The following PARD3 variants were observed in gnomAD, a reference collection of about 807,000 sequenced individuals.
PARD3 encodes par-3 family cell polarity regulator.
A neutral mutation model predicts 155.4 loss-of-function variants in PARD3; 75 were observed. That is an observed-to-expected ratio of 0.48 (90% CI 0.40 to 0.58). The LOEUF (loss-of-function observed/expected upper bound fraction) is 0.58. Ranked by LOEUF, PARD3 falls within the 20% of genes least tolerant of loss-of-function variation. The pLI is 0.00. For synonymous variants in PARD3, 576 were observed against 610.5 expected, an observed-to-expected ratio of 0.94 and a Z score of 0.83; for missense variants, 1,642 against 1,721.7, an observed-to-expected ratio of 0.95 and a Z score of 0.82.
chr10:34,500,834 C>T (rs1229778060), intron 3 of PARD3, among the ~76,000 whole-genome samples: 1 of 152,022 alleles, frequency 6.6e-6, no homozygotes, highest in East Asian at 1.9e-4. Context: ...ATAAGTCATA[C>T]AGAAGGAAAG....
At chr10:34,628,508 C>T (rs1424252306) in intron 2 of PARD3, among the ~76,000 whole-genome samples, 2 of 152,242 alleles carry the variant, frequency 1.3e-5, no homozygotes, top group African/African-American at 4.8e-5. Flanking sequence ...ATGCTCAATG[C>T]TGTCCCAGTG....
At chr10:34,488,070 G>A (rs985066273) in intron 3 of PARD3, among the ~76,000 whole-genome samples, 4 of 152,018 alleles carry the variant, frequency 2.6e-5, no homozygotes, top group African/African-American at 9.7e-5. Flanking sequence ...CTTACCTGGG[G>A]ACTAGCAATT....
chr10:34,128,374 T>C (rs761246380), intron 23 of PARD3, among the ~76,000 whole-genome samples: 3 of 152,244 alleles, frequency 2.0e-5, no homozygotes, highest in African/African-American at 4.8e-5. Flanking sequence ...AAAGGAAATG[T>C]ATGTTCTCTT....
At chr10:34,166,390 A>C (rs559142935) in intron 22 of PARD3, among the ~76,000 whole-genome samples, 1 of 152,066 alleles carries the variant, frequency 6.6e-6, no homozygotes, top group South Asian at 2.1e-4. Flanking sequence ...AGGCAAGAAG[A>C]CTGCTTGACG....
At chr10:34,497,095 G>C (rs2080344021) in intron 3 of PARD3, among the ~76,000 whole-genome samples, 1 of 152,090 alleles carries the variant, frequency 6.6e-6, no homozygotes, top group South Asian at 2.1e-4. Flanking sequence ...GAAATAATGT[G>C]ATCCAGCAAT....
intron 1 of PARD3, among the ~76,000 whole-genome samples, chr10:34,699,954 A>G (rs2094243271): frequency 1.3e-5 from 2 of 152,360 alleles, no homozygotes; most frequent in East Asian, 1.9e-4. Flanking sequence ...TGTATCAGTC[A>G]TTGGGTGAAT....
intron 3 of PARD3, among the ~76,000 whole-genome samples, chr10:34,481,943 C>T (rs368897434): frequency 5.9e-5 from 9 of 151,760 alleles, no homozygotes; most frequent in Admixed American, 3.3e-4. Flanking sequence ...GCAATCCACC[C>T]GCCACAGCCT....
At chr10:34,368,838 GTAAAAAAAAAA>G (rs1422843641) in intron 12 of PARD3, among the ~76,000 whole-genome samples, 1 of 44,278 alleles carries the variant, frequency 2.3e-5, no homozygotes, top group Non-Finnish European at 3.7e-5. Context: ...CATGAGCAAT[GTAAAAAAAAAA>G]AAAAAAAAAA....
chr10:34,406,626 C>T (rs1441716346), intron 5 of PARD3, among the ~76,000 whole-genome samples: 2 of 152,078 alleles, frequency 1.3e-5, no homozygotes, highest in Non-Finnish European at 2.9e-5. Context: ...CTCCTAGGCT[C>T]AAACAATACT....
intron 18 of PARD3, among the ~76,000 whole-genome samples, chr10:34,331,615 T>C (rs1182942660): frequency 6.6e-6 from 1 of 152,214 alleles, no homozygotes; most frequent in Non-Finnish European, 1.5e-5. Flanking sequence ...GATGAAATTG[T>C]TGTCAAATCG....
chr10:34,258,323 A>G (rs1954765392), intron 22 of PARD3, among the ~76,000 whole-genome samples: 1 of 152,184 alleles, frequency 6.6e-6, no homozygotes, highest in Admixed American at 6.5e-5. Context: ...CATGGGCCGC[A>G]CGACAGAAGG....
At chr10:34,415,842 T>C (rs560623877) in intron 5 of PARD3, among the ~76,000 whole-genome samples, 1 of 152,314 alleles carries the variant, frequency 6.6e-6, no homozygotes, top group East Asian at 1.9e-4. Context: ...GCATACATAC[T>C]GTCTGGAGAA....
chr10:34,360,503 AAGAT>A (rs1180405826), intron 12 of PARD3, among the ~76,000 whole-genome samples: 3 of 152,234 alleles, frequency 2.0e-5, no homozygotes, highest in Non-Finnish European at 4.4e-5. Flanking sequence ...AGATTTGAGA[AAGAT>A]AGAGGGAAAA....
chr10:34,726,031 T>C lies in PARD3; in HGVS notation c.121-29612A>G, dbSNP rs1419427407. On this transcript the variant is annotated intron_variant, in intron 1 of 24. Coordinates refer to ENST00000374788, the MANE Select transcript of PARD3 (RefSeq NM_001184785.2). ...TTCCAGACTTAAGGGAGTGTAAAGG[T>C]AATCAATTAGCACCACAAGGATTTC... 2.0e-5 allele frequency among the ~76,000 whole-genome samples: 3 copies of C among 152,240 alleles called. No homozygotes were observed. The East Asian group carries it at 5.8e-4, about 29-fold the overall frequency.
chr10:34,571,379 T>C (rs74132061), intron 2 of PARD3, among the ~76,000 whole-genome samples: 19 of 152,322 alleles, frequency 1.2e-4, no homozygotes, highest in African/African-American at 4.1e-4. Context: ...ATTTTATATT[T>C]AGAATAAACT....
rs113501953 is a variant in PARD3 at position 34,781,045 on chromosome 10, T to G, written c.120+33831A>C. Among the ~76,000 whole-genome samples the G allele has an allele frequency of 6.3e-3, 962 of 152,342 alleles. 11 individuals are homozygous for G. Among genetic ancestry groups the G allele is most frequent in the African/African-American group, 0.023 (940 of 41,576 alleles). On this transcript the variant is annotated intron_variant, in intron 1 of 24. Transcript: ENST00000374788. ...TGAACTTGGAGCAGGACATCACTCT[T>G]GCATCCCACGCTTCTCAGCTCAGGC...
intron 5 of PARD3, among the ~76,000 whole-genome samples, chr10:34,434,057 G>T (rs2132572993): frequency 6.6e-6 from 1 of 152,322 alleles, no homozygotes; most frequent in East Asian, 1.9e-4. Context: ...TTTTGGCAGG[G>T]ATCGGGTATG....
intron 23 of PARD3, among the ~76,000 whole-genome samples, chr10:34,129,850 T>G (rs917529708): frequency 6.8e-6 from 1 of 147,416 alleles, no homozygotes; most frequent in Non-Finnish European, 1.5e-5. Flanking sequence ...TTTTTTTTTT[T>G]GTAGAGATGG....
chr10:34,580,717 G>C (rs1043573053), intron 2 of PARD3, among the ~76,000 whole-genome samples: 2 of 152,178 alleles, frequency 1.3e-5, no homozygotes. Flanking sequence ...TTGAAACTGT[G>C]ATCAAGCTTG....
Sources: gnomAD v4.1 joint callset for allele counts (sites outside exome capture counted in the v4.1 genomes callset) on GRCh38, gnomAD v4.1.1 for gene constraint, MANE v1.5 for transcripts, NCBI Gene and HGNC (gene_info 2026-07-23, HGNC 2026-07-21) for gene names.